The following CACNG2 variants were observed in gnomAD, a reference collection of about 807,000 sequenced individuals.
The protein encoded by CACNG2 is calcium voltage-gated channel auxiliary subunit gamma 2, also known as voltage-dependent calcium channel gamma-2 subunit.
CACNG2 carries 3 observed loss-of-function variants against 25.9 expected under a neutral mutation model. That is an observed-to-expected ratio of 0.12 (90% CI 0.05 to 0.30). CACNG2 has a LOEUF of 0.30. Ranked by LOEUF, CACNG2 falls within the 10% of genes least tolerant of loss-of-function variation. CACNG2 has a pLI of 1.00. For synonymous variants in CACNG2, 167 were observed against 173.3 expected (o/e 0.96, Z 0.29); for missense variants, 341 against 432.5 (o/e 0.79, Z 1.88).
chr22:36,596,342 C>T (rs1935678053), intron 1 of CACNG2, among the ~76,000 whole-genome samples: 1 of 152,208 alleles, frequency 6.6e-6, no homozygotes, highest in Non-Finnish European at 1.5e-5. Flanking sequence ...TGGCTGGAAC[C>T]CCAGCCCCCT....
At chr22:36,594,548 C>A (rs1302941026) in intron 1 of CACNG2, among the ~76,000 whole-genome samples, 1 of 152,126 alleles carries the variant, frequency 6.6e-6, no homozygotes, top group African/African-American at 2.4e-5. Context: ...GTGTCTGGGG[C>A]ACACAGATGG....
intron 1 of CACNG2, among the ~76,000 whole-genome samples, chr22:36,610,631 C>G (rs954062116): frequency 2.0e-5 from 3 of 152,194 alleles, no homozygotes; most frequent in Admixed American, 1.3e-4. Context: ...GGAGTGACCC[C>G]CAAAGCCAGC....
At chr22:36,604,843 T>C (rs1338703941) in intron 1 of CACNG2, among the ~76,000 whole-genome samples, 1 of 152,176 alleles carries the variant, frequency 6.6e-6, no homozygotes, top group Non-Finnish European at 1.5e-5. Context: ...AATGGCACAA[T>C]TATAGCTCAC....
chr22:36,570,320 T>C (rs1351994261), intron 2 of CACNG2, among the ~76,000 whole-genome samples: 1 of 152,064 alleles, frequency 6.6e-6, no homozygotes, highest in South Asian at 2.1e-4. Flanking sequence ...TGTGGAGGAA[T>C]CAGAACGGCT....
At chr22:36,662,750 G>A (rs776241474) in intron 1 of CACNG2, among the ~76,000 whole-genome samples, 32 of 152,112 alleles carry the variant, frequency 2.1e-4, no homozygotes, top group Admixed American at 7.9e-4. Flanking sequence ...CCTGGGCACC[G>A]TGCATGCCCC....
At chr22:36,599,502 C>A (rs1043949567) in intron 1 of CACNG2, among the ~76,000 whole-genome samples, 1 of 152,070 alleles carries the variant, frequency 6.6e-6, no homozygotes, top group Non-Finnish European at 1.5e-5. Context: ...GAGTTCCAAC[C>A]CAGCCTGGGC....
chr22:36,631,740 T>TTTA (rs143352269), intron 1 of CACNG2, among the ~76,000 whole-genome samples: 49,289 of 148,218 alleles, frequency 0.33, 8,819 homozygotes, highest in Non-Finnish European at 0.41. Context: ...AGCAACTCTT[T>TTTA]TTTTTTTTTT....
intron 1 of CACNG2, among the ~76,000 whole-genome samples, chr22:36,682,843 T>A (rs1937143156): frequency 6.6e-6 from 1 of 152,190 alleles, no homozygotes; most frequent in African/African-American, 2.4e-5. Flanking sequence ...TGGTGACAAA[T>A]CTTCCCGGCA....
rs927954943 is a variant in CACNG2, at chr22:36,688,518, C to T, written c.211+13848G>A. ...TTGCACCACTGCATTACAGCCTGGG[C>T]GACAGAGTGAGACCCTGTCTCAAAA... On this transcript the variant is annotated intron_variant, in intron 1 of 3. Coordinates refer to ENST00000300105, the MANE Select transcript of CACNG2 (RefSeq NM_006078.5). Among the ~76,000 whole-genome samples the T allele has an allele frequency of 1.7e-4, 22 of 132,726 alleles. No individual in the cohort carries two copies. The East Asian group carries it at 2.0e-3, about 12-fold the overall frequency. The allele number at this position is 132,726 out of a possible 152,430, so 87.1% of individuals were successfully genotyped here.
At chr22:36,692,292 A>G (rs983632017) in intron 1 of CACNG2, among the ~76,000 whole-genome samples, 2 of 152,218 alleles carry the variant, frequency 1.3e-5, no homozygotes, top group African/African-American at 2.4e-5. Flanking sequence ...AGGCTACCCA[A>G]GGTCAAAGAA....
intron 1 of CACNG2, among the ~76,000 whole-genome samples, chr22:36,644,128 G>A (rs902602708): frequency 2.0e-5 from 3 of 152,176 alleles, no homozygotes; most frequent in African/African-American, 7.2e-5. Flanking sequence ...TATGCAACGG[G>A]AGGACTAAAT....
intron 1 of CACNG2, among the ~76,000 whole-genome samples, chr22:36,664,173 A>AG (rs11374279): frequency 1 from 152,143 of 152,144 alleles, 76,071 homozygotes; most frequent in Non-Finnish European, 1. Flanking sequence ...TATAGGGGAG[A>AG]GAACATAACT....
intron 1 of CACNG2, among the ~76,000 whole-genome samples, chr22:36,649,723 C>G (rs1184813707): frequency 1.3e-5 from 2 of 152,152 alleles, no homozygotes; most frequent in Non-Finnish European, 2.9e-5. Context: ...GTGGGTTTTT[C>G]CCATGCTGTT....
chr22:36,630,218 A>C (rs1000312534), intron 1 of CACNG2, among the ~76,000 whole-genome samples: 3 of 152,168 alleles, frequency 2.0e-5, no homozygotes, highest in African/African-American at 7.2e-5. Flanking sequence ...GTGGGTAGGT[A>C]GACCAGTTGG....
intron 1 of CACNG2, among the ~76,000 whole-genome samples, chr22:36,651,744 A>C (rs543822590): frequency 1.4e-4 from 21 of 152,280 alleles, no homozygotes; most frequent in African/African-American, 5.1e-4. Flanking sequence ...GGCACATGCT[A>C]GATGCCCAGT....
chr22:36,627,642 ATTT>A (rs5845278), intron 1 of CACNG2, among the ~76,000 whole-genome samples: 29 of 141,282 alleles, frequency 2.1e-4, no homozygotes, highest in Admixed American at 5.6e-4. Flanking sequence ...AATGACTTTG[ATTT>A]TTTTTTTTTT....
intron 1 of CACNG2, among the ~76,000 whole-genome samples, chr22:36,623,534 C>T (rs1936139583): frequency 6.6e-6 from 1 of 152,130 alleles, no homozygotes; most frequent in African/African-American, 2.4e-5. Flanking sequence ...AATATCTACT[C>T]GATTGCGTTC....
intron 1 of CACNG2, among the ~76,000 whole-genome samples, chr22:36,660,613 C>G (rs1601441827): frequency 6.6e-6 from 1 of 152,370 alleles, no homozygotes; most frequent in Non-Finnish European, 1.5e-5. Context: ...CTTCCTTCCA[C>G]CAGCCTGGCC....
chr22:36,591,530 G>C (rs77601381), intron 1 of CACNG2, among the ~76,000 whole-genome samples: 5,492 of 152,104 alleles, frequency 0.036, 150 homozygotes, highest in Admixed American at 0.054. Context: ...AAATTAGCCA[G>C]ATGTGGTGGT....
Sources: allele counts gnomAD v4.1 joint callset (sites outside exome capture counted in the v4.1 genomes callset), GRCh38; gene constraint gnomAD v4.1.1; transcripts MANE v1.5; gene names NCBI Gene and HGNC (gene_info 2026-07-23, HGNC 2026-07-21).